Variants in COMP observed in about 807,000 individuals in gnomAD.
COMP encodes cartilage oligomeric matrix protein.
In COMP, 79 loss-of-function variants were observed where a neutral mutation model predicts 95.8. The ratio of observed to expected loss-of-function variants is 0.82; its 90% confidence interval spans 0.69 to 0.99. The LOEUF (loss-of-function observed/expected upper bound fraction) is 0.99, where lower values mean the gene tolerates loss of function less well. COMP is among the 50% of genes least tolerant of loss of function. The probability of loss-of-function intolerance (pLI) is 0.00; values close to 1 mark genes in which losing one functional copy is unlikely to be tolerated. For missense variants in COMP, 906 were observed against 1,076.1 expected (o/e 0.84, Z 2.21); for synonymous variants, 438 against 433.9 (o/e 1.01, Z -0.12).
In COMP at chr19:18,782,861, C is replaced by G. The variant is rs1444512354; in HGVS notation, c.*54G>C. 3.0e-5 allele frequency: 48 copies of G among 1,597,992 alleles called. No homozygotes were observed. The highest frequency in any genetic ancestry group is 3.9e-5 in the Non-Finnish European group (46 of 1,173,358). On this transcript the variant is annotated 3_prime_UTR_variant, in exon 19 of 19. Transcript: ENST00000222271. Reference sequence around the variant, plus strand: ...ACCCCTTGGGGCTGGGTGCAGAGCCCCCATCCAGCCGCGGTGAGGGTGGCT... The same window carrying G: ...ACCCCTTGGGGCTGGGTGCAGAGCCGCCATCCAGCCGCGGTGAGGGTGGCT...
chr19:18,790,469 CTT>C (rs2055204794), intron 3 of COMP, 91 bp downstream of exon 3: 1 of 1,540,552 alleles, frequency 6.5e-7, no homozygotes, highest in East Asian at 2.2e-5. Context: ...CCTTCCGTCT[CTT>C]TTCCTCCCCA....
intron 12 of COMP, 40 bp downstream of exon 12, chr19:18,786,199 C>T (rs2055166032): frequency 2.5e-6 from 4 of 1,614,142 alleles, no homozygotes; most frequent in Non-Finnish European, 3.4e-6. Flanking sequence ...AGCGTTTTGT[C>T]AAAGGCTACC....
Position 18,789,917 on chromosome 19 carries a change from C to T in COMP, c.390+25G>A, listed in dbSNP as rs1369323657. On this transcript the variant is annotated intron_variant, in intron 4 of 18. Coordinates refer to ENST00000222271, the MANE Select transcript of COMP (RefSeq NM_000095.3). This position sits in a 1 kb window ranked among gnomAD's most constrained non-coding sequence, Gnocchi z 6.1. ...GGGGCGGTAGAGGGAGTCGTCAGGG[C>T]GGTGGAGTGTCGGGGCTAGCGCACC... 13 of 1,594,434 alleles carry T rather than the reference C, an allele frequency of 8.2e-6. No individual in the cohort carries two copies. The highest frequency in any genetic ancestry group is 6.7e-5 in the African/African-American group (5 of 74,788).
intron 1 of COMP, 80 bp from the exon 2 acceptor site, chr19:18,791,015 G>T: frequency 6.5e-7 from 1 of 1,532,532 alleles, no homozygotes; most frequent in Non-Finnish European, 8.8e-7. Flanking sequence ...AGCGAACCCG[G>T]ACCTCCGAGG....
In COMP at chr19:18,784,942, T is replaced by G; in HGVS notation, c.1868A>C (p.Gln623Pro). The change falls in exon 16 of 19, where the codon CAG becomes CCG. Residue 623 changes from glutamine (Q) to proline (P), a missense_variant. Physicochemically the swap from Gln to Pro is moderately conservative, Grantham distance 76. Transcript: ENST00000222271. The surrounding 1 kb of genome is among the most constrained non-coding windows in gnomAD (Gnocchi z 4.9). ...MWKQMEQTYWQANPFRAVAEP... is the reference protein window; with the variant it reads ...MWKQMEQTYWPANPFRAVAEP... ...GGCCACAGCACGGAAGGGGTTCGCC[T>G]GCCAATACGTTTGCTCCATCTGCTT... 1 of 1,614,072 alleles carries G rather than the reference T, an allele frequency of 6.2e-7. No homozygotes were observed. The highest frequency in any genetic ancestry group is 8.5e-7 in the Non-Finnish European group (1 of 1,179,978).
chr19:18,787,083 A>G, intron 10 of COMP: 1 of 365,400 alleles, frequency 2.7e-6, no homozygotes, highest in South Asian at 2.4e-5. Context: ...CAGGAACTTT[A>G]AGAATGAATG....
At position 18,787,532 on chromosome 19, in the gene COMP, T is replaced by C; in HGVS notation, c.1094A>G (p.Asp365Gly). 6.2e-7 allele frequency: 1 copy of C among 1,613,738 alleles called. No individual in the cohort carries two copies. The highest frequency in any genetic ancestry group is 8.5e-7 in the Non-Finnish European group (1 of 1,180,014). The change falls in exon 10 of 19, where the codon GAC (aspartate) becomes GGC (glycine). Residue 365 changes from aspartate (D) to glycine (G), a missense_variant. Transcript: ENST00000222271. ...GTCGTCGCACGCATCGCCCCGGCCG[T>C]CCTGGTCTGTGTCCTTTTGGTCGTC... ...KNDDQKDTDQ[D>G]GRGDACDDDI...
In COMP at chr19:18,788,205, G is replaced by A; in HGVS notation, c.975+7C>T. On this transcript the variant is annotated splice_region_variant and intron_variant, in intron 9 of 18. Transcript: ENST00000222271. The surrounding 1 kb of genome is among the most constrained non-coding windows in gnomAD (Gnocchi z 4.7). ...GAGTGAACCACCGTGCCGAGCCGTA[G>A]ATCTACCTTTTCATTGGGGACCCCG... 6.2e-7 allele frequency: 1 copy of A among 1,611,178 alleles called. No individual in the cohort carries two copies. The highest frequency in any genetic ancestry group is 8.5e-7 in the Non-Finnish European group (1 of 1,178,346).
rs1306356213 is a variant in COMP, at chr19:18,790,165, G to A, written c.218-51C>T. On this transcript the variant is annotated intron_variant, in intron 3 of 18. Coordinates refer to ENST00000222271, the MANE Select transcript of COMP (RefSeq NM_000095.3). Reference sequence around the variant, plus strand: ...GCGGGGCTGATCGGTGGCTCGCCCGGGGGCAGAGCCTATCATGGCCACGCC... The same window carrying A: ...GCGGGGCTGATCGGTGGCTCGCCCGAGGGCAGAGCCTATCATGGCCACGCC... 5 of 1,393,712 alleles carry A rather than the reference G, an allele frequency of 3.6e-6. No individual in the cohort carries two copies. The East Asian group carries it at 1.3e-4, about 35-fold the overall frequency. The allele number at this position is 1,393,712 out of a possible 1,614,324, so 86.3% of individuals were successfully genotyped here.
chr19:18,787,198 A>G (rs2055173688), intron 10 of COMP, among the ~76,000 whole-genome samples: 1 of 152,130 alleles, frequency 6.6e-6, no homozygotes, highest in African/African-American at 2.4e-5. Flanking sequence ...CCCCATCTGT[A>G]AAGTTGTCAC....
rs747972155 is a variant in COMP, at chr19:18,786,221, C to A, written c.1307+18G>T. ...TGTCAAAGGCTACCCGGACGCCCACCCCAGGTGGCCTCCTTACTGGTCTTG... is the reference window on the plus strand; with the variant it reads ...TGTCAAAGGCTACCCGGACGCCCACACCAGGTGGCCTCCTTACTGGTCTTG... On this transcript the variant is annotated intron_variant, in intron 12 of 18. Transcript: ENST00000222271. 5 of 1,614,154 alleles carry A rather than the reference C, an allele frequency of 3.1e-6. No homozygotes were observed. The highest frequency in any genetic ancestry group is 4.2e-6 in the Non-Finnish European group (5 of 1,180,034).
Position 18,784,205 on chromosome 19 carries a change from T to C in COMP, c.2073A>G (p.Gln691=). The change falls in exon 17 of 19, where the codon CAA becomes CAG. Residue 691 remains glutamine (Q), a synonymous_variant. Transcript: ENST00000222271. This position sits in a 1 kb window ranked among gnomAD's most constrained non-coding sequence, Gnocchi z 4.9. ...GGAGTCCCCACCTGATGTAGCCCAC[T>C]TGGGGCCGGTGCTGCAGGAACCAAC... ...SYRWFLQHRP[Q]VGYIRVRFYE... The C allele has an allele frequency of 6.2e-7, 1 of 1,613,646 alleles. No individual in the cohort carries two copies. Among genetic ancestry groups the C allele is most frequent in the Non-Finnish European group, 8.5e-7 (1 of 1,180,010 alleles).
Position 18,782,900 on chromosome 19 carries a change from T to C in COMP, c.*15A>G, listed in dbSNP as rs201937857. ...GTGAGGGTGGCTGTCATCCGGCGGGTCCTCACCCTGGTCCCTAGGCTTGCC... is the reference window on the plus strand; with the variant it reads ...GTGAGGGTGGCTGTCATCCGGCGGGCCCTCACCCTGGTCCCTAGGCTTGCC... On this transcript the variant is annotated 3_prime_UTR_variant, in exon 19 of 19. Transcript: ENST00000222271. 4,049 of 1,610,186 alleles carry C rather than the reference T, an allele frequency of 2.5e-3. 13 individuals are homozygous for C. Among genetic ancestry groups the C allele is most frequent in the Middle Eastern group, 6.2e-3 (31 of 5,000 alleles).
Position 18,790,041 on chromosome 19 carries a change from G to C in COMP, c.291C>G (p.Phe97Leu). Residue 97 changes from phenylalanine to leucine, a missense_variant, in exon 4 of 19, where the codon TTC (phenylalanine) becomes TTG (leucine). Phe to Leu is a conservative substitution (Grantham distance 22). Transcript: ENST00000222271. Reference protein sequence around the residue: ...PLLHCAPGFCFPGVACIQTES... With the variant: ...PLLHCAPGFCLPGVACIQTES... Reference sequence around the variant, plus strand: ...CCGTCTGGATGCAGGCCACGCCGGGGAAGCAGAAGCCGGGCGCGCAGTGGA... The same window carrying C: ...CCGTCTGGATGCAGGCCACGCCGGGCAAGCAGAAGCCGGGCGCGCAGTGGA... 3 of 1,568,418 alleles carry C rather than the reference G, an allele frequency of 1.9e-6. No homozygotes were observed. Among genetic ancestry groups the C allele is most frequent in the Non-Finnish European group, 2.6e-6 (3 of 1,163,196 alleles).
rs1601058626 is a variant in COMP, at chr19:18,789,223, C to A, written c.465G>T (p.Pro155=). The part of the protein sequence containing the change: ...TSPGFRCEAC[P]PGYSGPTHQG... ...GGTGGGTGGGGCCGCTGTACCCCGGCGGGCAAGCCTCGCAGCGGAACCCCG... is the reference window on the plus strand; with the variant it reads ...GGTGGGTGGGGCCGCTGTACCCCGGAGGGCAAGCCTCGCAGCGGAACCCCG... The change falls in exon 5 of 19, where the codon CCG becomes CCT. Residue 155 remains proline (P), a synonymous_variant. Coordinates refer to ENST00000222271, the MANE Select transcript of COMP (RefSeq NM_000095.3). The surrounding 1 kb of genome is among the most constrained non-coding windows in gnomAD (Gnocchi z 6.1). 6.5e-7 allele frequency: 1 copy of A among 1,535,460 alleles called. No individual in the cohort carries two copies. Among genetic ancestry groups the A allele is most frequent in the South Asian group, 1.3e-5 (1 of 76,598 alleles).
rs369872519 is a variant in COMP at position 18,788,648 on chromosome 19, C to T, written c.706G>A (p.Glu236Lys). The T allele has an allele frequency of 1.3e-6, 2 of 1,546,304 alleles. No individual in the cohort carries two copies. The highest frequency in any genetic ancestry group is 1.7e-6 in the Non-Finnish European group (2 of 1,146,486). The change falls in exon 7 of 19, where the codon GAG (glutamate) becomes AAG (lysine). Residue 236 changes from glutamate (E) to lysine (K), a missense_variant. Glu to Lys is a moderately conservative substitution (Grantham distance 56). Coordinates refer to ENST00000222271, the MANE Select transcript of COMP (RefSeq NM_000095.3). The surrounding 1 kb of genome is among the most constrained non-coding windows in gnomAD (Gnocchi z 4.7). ...ACGCAGTCTGCATGCTCGTGGCACTCGCTGGGCGAGCCGTCGGGGCAGAAG... is the reference window on the plus strand; with the variant it reads ...ACGCAGTCTGCATGCTCGTGGCACTTGCTGGGCGAGCCGTCGGGGCAGAAG... ...QRFCPDGSPSECHEHADCVLE... is the reference protein window; with the variant it reads ...QRFCPDGSPSKCHEHADCVLE...
At position 18,790,841 on chromosome 19, in the gene COMP, G is replaced by GC; in HGVS notation, c.165+8dup. Reference sequence around the variant, plus strand: ...CTGGCACTCCCTGCCCCGCACCCGGGCCCCGCACCTGCTGCCGCAGCAGCT... The same window carrying GC: ...CTGGCACTCCCTGCCCCGCACCCGGGCCCCCGCACCTGCTGCCGCAGCAGCT... On this transcript the variant is annotated intron_variant, in intron 2 of 18. Coordinates refer to ENST00000222271, the MANE Select transcript of COMP (RefSeq NM_000095.3). 1 of 1,556,302 alleles carries GC rather than the reference G, an allele frequency of 6.4e-7. No individual in the cohort carries two copies. Among genetic ancestry groups the GC allele is most frequent in the Non-Finnish European group, 8.7e-7 (1 of 1,153,650 alleles).
At chr19:18,791,060 C>G in intron 1 of COMP, 125 bp from the exon 2 acceptor site, 1 of 1,503,896 alleles carries the variant, frequency 6.6e-7, no homozygotes, top group Non-Finnish European at 9.0e-7. Context: ...GTCCCGCCAC[C>G]TGCTTTCTGC....
intron 1 of COMP, 41 bp downstream of exon 1, chr19:18,791,150 T>C (rs1373795025): frequency 1.0e-5 from 16 of 1,555,068 alleles, no homozygotes; most frequent in African/African-American, 1.4e-5. Flanking sequence ...TACAGTCCGT[T>C]GTGGGGCCGT....
Sources: gnomAD v4.1 joint callset for allele counts (sites outside exome capture counted in the v4.1 genomes callset) on GRCh38, gnomAD v4.1.1 for gene constraint, Gnocchi (gnomAD v3.1) non-coding constraint, MANE v1.5 for transcripts, NCBI Gene and HGNC (gene_info 2026-07-23, HGNC 2026-07-21) for gene names.